Variants in MGAT1 observed in about 807,000 individuals in gnomAD.
MGAT1 encodes alpha-1,3-mannosyl-glycoprotein 2-beta-N-acetylglucosaminyltransferase.
In MGAT1, 14 loss-of-function variants were observed where a neutral mutation model predicts 31.7. That is an observed-to-expected ratio of 0.44 (90% confidence interval 0.29 to 0.69). The LOEUF is 0.69. Among genes scored for constraint, MGAT1 ranks in the 30% least tolerant of loss-of-function variants. The probability of loss-of-function intolerance (pLI) is 0.12; values close to 1 mark genes in which losing one functional copy is unlikely to be tolerated. For synonymous variants in MGAT1, 338 were observed against 276.0 expected, an observed-to-expected ratio of 1.22 and a Z score of -2.23; for missense variants, 557 against 626.0, an observed-to-expected ratio of 0.89 and a Z score of 1.18.
In MGAT1 at chr5:180,792,580, G is replaced by A; in HGVS notation, c.392C>T (p.Ser131Leu). ...CLDKLLHYRPSAELFPIIVSQ... is the reference protein window; with the variant it reads ...CLDKLLHYRPLAELFPIIVSQ... ...AACGATGATGGGGAAGAGCTCAGCCGAGGGCCGATAATGCAGCAGCTTGTC... is the reference window on the plus strand; with the variant it reads ...AACGATGATGGGGAAGAGCTCAGCCAAGGGCCGATAATGCAGCAGCTTGTC... The change falls in exon 2 of 2, where the codon TCG (serine) becomes TTG (leucine). Residue 131 changes from serine (S) to leucine (L), a missense_variant. Ser to Leu is a moderately radical substitution (Grantham distance 145). Transcript: ENST00000307826. The A allele has an allele frequency of 6.2e-7, 1 of 1,612,100 alleles. No individual in the cohort carries two copies. Among genetic ancestry groups the A allele is most frequent in the Non-Finnish European group, 8.5e-7 (1 of 1,179,420 alleles).
Position 180,792,613 on chromosome 5 carries a change from C to T in MGAT1, c.359G>A (p.Arg120His). The change falls in exon 2 of 2, where the codon CGC (arginine) becomes CAC (histidine). Residue 120 changes from arginine (R) to histidine (H), a missense_variant. Physicochemically the swap from Arg to His is conservative, Grantham distance 29 (BLOSUM62 0). Transcript: ENST00000307826. Reference sequence around the variant, plus strand: ...ATAATGCAGCAGCTTGTCCAGGCAGCGCCGAACAGTGCTGCGGTCACAGGC... The same window carrying T: ...ATAATGCAGCAGCTTGTCCAGGCAGTGCCGAACAGTGCTGCGGTCACAGGC... ...VIACDRSTVR[R>H]CLDKLLHYRP... is the part of the protein sequence containing the mutation. The T allele has an allele frequency of 6.2e-7, 1 of 1,606,276 alleles. No homozygotes were observed. Among genetic ancestry groups the T allele is most frequent in the Non-Finnish European group, 8.5e-7 (1 of 1,175,844 alleles).
chr5:180,803,994 T>C (rs1335280901), upstream of MGAT1: 3 of 152,298 alleles, frequency 2.0e-5, no homozygotes, highest in African/African-American at 7.2e-5. Context: ...GACTGACTGC[T>C]CACTAACTTG....
rs536268347 is a variant in MGAT1, at chr5:180,810,672, C to G, written c.-545-1606G>C. The G allele has an allele frequency of 3.1e-3, 390 of 125,288 alleles. 2 individuals are homozygous for G. The highest frequency in any genetic ancestry group is 5.0e-3 in the Non-Finnish European group (331 of 66,038). The allele number at this position is 125,288 out of a possible 1,614,324, so 7.8% of individuals were successfully genotyped here. On this transcript the variant is annotated intron_variant, in intron 1 of 2. Coordinates refer to the MGAT1 transcript ENST00000333055. Reference sequence around the variant, plus strand: ...ACCTGGTTTCTCAAAAAGGGTGACCCCCCCCCTCCGCCCCACGCTGGTCGC... The same window carrying G: ...ACCTGGTTTCTCAAAAAGGGTGACCGCCCCCCTCCGCCCCACGCTGGTCGC...
At chr5:180,809,117 T>C (rs1243135724) in intron 1 of MGAT1, 1 of 152,132 alleles carries the variant, frequency 6.6e-6, no homozygotes, top group Non-Finnish European at 1.5e-5. Flanking sequence ...CTAATCTAGA[T>C]ACCCAAATAG....
At chr5:180,812,093 C>T (rs981502196) in intron 1 of MGAT1, among the ~76,000 whole-genome samples, 1 of 152,238 alleles carries the variant, frequency 6.6e-6, no homozygotes, top group Non-Finnish European at 1.5e-5. Flanking sequence ...CATGTATTGT[C>T]TGTCTCCCAC....
rs547877816 is a variant in MGAT1, at chr5:180,784,987, G to A, written c.*6647C>T. ...TGGATCATGTCAGTGGAAAGAGTATGGTTCTTCTTTGTATTAGTCTTTCAA... is the reference window on the plus strand; with the variant it reads ...TGGATCATGTCAGTGGAAAGAGTATAGTTCTTCTTTGTATTAGTCTTTCAA... On this transcript the variant is annotated 3_prime_UTR_variant, in exon 2 of 2. Coordinates refer to ENST00000307826, the MANE Select transcript of MGAT1 (RefSeq NM_002406.4). 6.6e-6 allele frequency: 1 copy of A among 152,092 alleles called. No homozygotes were observed. Among genetic ancestry groups the A allele is most frequent in the South Asian group, 2.1e-4 (1 of 4,826 alleles). The allele number at this position is 152,092 out of a possible 1,614,324, so 9.4% of individuals were successfully genotyped here.
rs1379672454 is a variant in MGAT1 at position 180,789,678 on chromosome 5, A to G, written c.*1956T>C. On this transcript the variant is annotated 3_prime_UTR_variant, in exon 2 of 2. Transcript: ENST00000307826. ...AGTCTTGCTCTGTCGCCCAGGCTGGAGTGCAGTGGTATGATCTTGGATTAC... is the reference window on the plus strand; with the variant it reads ...AGTCTTGCTCTGTCGCCCAGGCTGGGGTGCAGTGGTATGATCTTGGATTAC... The G allele has an allele frequency of 1.3e-5, 2 of 152,178 alleles. No individual in the cohort carries two copies. Among genetic ancestry groups the G allele is most frequent in the Non-Finnish European group, 2.9e-5 (2 of 68,046 alleles). 9.4% of individuals were successfully genotyped at this position (152,178 alleles called of 1,614,324 possible). A position where few individuals can be genotyped will look rare whatever the true frequency, so the allele number is the denominator to read the frequency against.
upstream of MGAT1, chr5:180,803,656 C>G (rs1490816295): frequency 6.6e-6 from 1 of 152,298 alleles, no homozygotes; most frequent in African/African-American, 2.4e-5. Context: ...CGCAGAAGAC[C>G]AGGGGCTCCA....
At chr5:180,802,462 G>A (rs1248409838) in intron 1 of MGAT1, among the ~76,000 whole-genome samples, 1 of 152,170 alleles carries the variant, frequency 6.6e-6, no homozygotes, top group African/African-American at 2.4e-5. Context: ...GGAGGCCCGG[G>A]ATTCCGAAAG....
chr5:180,811,387 G>A (rs981617726), intron 1 of MGAT1: 2 of 152,136 alleles, frequency 1.3e-5, no homozygotes, highest in African/African-American at 4.8e-5. Context: ...TAATTATATT[G>A]CTTGGGATAT....
At position 180,787,005 on chromosome 5, in the gene MGAT1, G is replaced by A. The variant is rs1021128769; in HGVS notation, c.*4629C>T. On this transcript the variant is annotated 3_prime_UTR_variant, in exon 2 of 2. Transcript: ENST00000307826. ...CACATGTGGAGGGGGATTAAGTGTC[G>A]AGGGAGCCAAGGTGAACAGCAGGAA... The A allele has an allele frequency of 5.9e-5, 9 of 152,344 alleles. No homozygotes were observed. The highest frequency in any genetic ancestry group is 1.2e-4 in the African/African-American group (5 of 41,456). The allele number at this position is 152,344 out of a possible 1,614,324, so 9.4% of individuals were successfully genotyped here. A position where few individuals can be genotyped will look rare whatever the true frequency, so the allele number is the denominator to read the frequency against.
chr5:180,793,261 G>C (rs57817879), intron 1 of MGAT1, among the ~76,000 whole-genome samples, 164 bp from the exon 2 acceptor site: 35,110 of 152,074 alleles, frequency 0.23, 4,297 homozygotes, highest in South Asian at 0.36. Context: ...CCTGACCCAG[G>C]AACGTATTTT....
chr5:180,797,234 T>C (rs1769587586), intron 1 of MGAT1, among the ~76,000 whole-genome samples: 1 of 151,818 alleles, frequency 6.6e-6, no homozygotes, highest in African/African-American at 2.4e-5. Context: ...CCATCTCTAC[T>C]AAAATAAAAA....
At position 180,785,364 on chromosome 5, in the gene MGAT1, T is replaced by C. The variant is rs1027990100; in HGVS notation, c.*6270A>G. The C allele has an allele frequency of 6.6e-6, 1 of 152,242 alleles. No homozygotes were observed. The highest frequency in any genetic ancestry group is 1.5e-5 in the Non-Finnish European group (1 of 68,054). The allele number at this position is 152,242 out of a possible 1,614,324, so 9.4% of individuals were successfully genotyped here. A position where few individuals can be genotyped will look rare whatever the true frequency, so the allele number is the denominator to read the frequency against. On this transcript the variant is annotated 3_prime_UTR_variant, in exon 2 of 2. Coordinates refer to ENST00000307826, the MANE Select transcript of MGAT1 (RefSeq NM_002406.4). ...AATACCCGTTTCACATTGCCCACCA[T>C]TTGTGAGTCAGAAATTCAGGCAGCC...
Position 180,791,353 on chromosome 5 carries a change from G to A in MGAT1, c.*281C>T. 1.9e-6 allele frequency: 1 copy of A among 520,410 alleles called. No individual in the cohort carries two copies. Among genetic ancestry groups the A allele is most frequent in the Non-Finnish European group, 3.4e-6 (1 of 292,162 alleles). The allele number at this position is 520,410 out of a possible 1,614,324, so 32.2% of individuals were successfully genotyped here. On this transcript the variant is annotated 3_prime_UTR_variant, in exon 2 of 2. Coordinates refer to ENST00000307826, the MANE Select transcript of MGAT1 (RefSeq NM_002406.4). ...TGCTCCAGGAGAAAGCTCAGGACGTGGACATTTCTGGCCCCAACAAGCCCA... is the reference window on the plus strand; with the variant it reads ...TGCTCCAGGAGAAAGCTCAGGACGTAGACATTTCTGGCCCCAACAAGCCCA...
At chr5:180,795,417 G>A (rs1001661401) in intron 1 of MGAT1, 2 of 152,020 alleles carry the variant, frequency 1.3e-5, no homozygotes, top group East Asian at 1.9e-4. Context: ...TTAAAAAGAC[G>A]TTATTGGGTA....
At position 180,791,518 on chromosome 5, in the gene MGAT1, CA is replaced by C. The variant is rs1249201683; in HGVS notation, c.*115del. 4 of 1,334,570 alleles carry C rather than the reference CA, an allele frequency of 3.0e-6. No homozygotes were observed. The highest frequency in any genetic ancestry group is 4.1e-6 in the Non-Finnish European group (4 of 970,386). 82.7% of individuals were successfully genotyped at this position (1,334,570 alleles called of 1,614,324 possible). The stretch of plus-strand genomic sequence containing the variant: ...GCACTTAAATGCCACTCGGAAAAAT[CA>C]AAAAGATAAATGCACCTAAGAGGGA... On this transcript the variant is annotated 3_prime_UTR_variant, in exon 2 of 2. Coordinates refer to ENST00000307826, the MANE Select transcript of MGAT1 (RefSeq NM_002406.4).
chr5:180,789,012 G>A lies in MGAT1; in HGVS notation c.*2622C>T, dbSNP rs75907275. 0.027 allele frequency: 4,137 copies of A among 152,330 alleles called. 86 individuals carry two copies. Among genetic ancestry groups the A allele is most frequent in the Non-Finnish European group, 0.039 (2,632 of 68,028 alleles). 9.4% of individuals were successfully genotyped at this position (152,330 alleles called of 1,614,324 possible). On this transcript the variant is annotated 3_prime_UTR_variant, in exon 2 of 2. Coordinates refer to ENST00000307826, the MANE Select transcript of MGAT1 (RefSeq NM_002406.4). ...CTATCGCCGGGCCGATTCCACGTCTGAAATCACGGATAATGACCACCTCCC... is the reference window on the plus strand; with the variant it reads ...CTATCGCCGGGCCGATTCCACGTCTAAAATCACGGATAATGACCACCTCCC...
In MGAT1 at chr5:180,792,883, G is replaced by A. The variant is rs898022374; in HGVS notation, c.89C>T (p.Thr30Met). The change falls in exon 2 of 2, where the codon ACG (threonine) becomes ATG (methionine). Residue 30 changes from threonine to methionine, a missense_variant. By Grantham distance (81) the Thr-to-Met change is moderately conservative. Transcript: ENST00000307826. Reference sequence around the variant, plus strand: ...GGGTGGCCTGCCAGGTGCTGGGCGCGTCCAGAAGAAGAGGAGCAGCAGGGC... The same window carrying A: ...GGGTGGCCTGCCAGGTGCTGGGCGCATCCAGAAGAAGAGGAGCAGCAGGGC... ...WNALLLLFFW[T>M]RPAPGRPPSV... 13 of 1,599,024 alleles carry A rather than the reference G, an allele frequency of 8.1e-6. No individual in the cohort carries two copies. Among genetic ancestry groups the A allele is most frequent in the Middle Eastern group, 1.7e-4 (1 of 5,828 alleles).
Sources: allele counts gnomAD v4.1 joint callset (sites outside exome capture counted in the v4.1 genomes callset), GRCh38; gene constraint gnomAD v4.1.1; transcripts MANE v1.5; gene names NCBI Gene and HGNC (gene_info 2026-07-23, HGNC 2026-07-21).